KLHL29: variants seen among roughly 807,000 people sequenced by gnomAD.
KLHL29 encodes kelch like family member 29.
A neutral mutation model predicts 80.4 loss-of-function variants in KLHL29; 21 were observed. The ratio of observed to expected loss-of-function variants is 0.26; its 90% CI spans 0.19 to 0.38. KLHL29 has a LOEUF of 0.38. Ranked by LOEUF, KLHL29 falls within the 10% of genes least tolerant of loss-of-function variation. The probability of loss-of-function intolerance (pLI) is 1.00; values close to 1 mark genes in which losing one functional copy is unlikely to be tolerated. For missense variants in KLHL29, 867 were observed against 1,223.9 expected (o/e 0.71, Z 4.35); for synonymous variants, 511 against 526.8 (o/e 0.97, Z 0.41).
intron 5 of KLHL29, among the ~76,000 whole-genome samples, chr2:23,648,517 T>A (rs1670001203): frequency 2.6e-5 from 4 of 151,516 alleles, no homozygotes; most frequent in African/African-American, 9.7e-5. Flanking sequence ...TTGTAACGTT[T>A]GACAATCCTC....
intron 2 of KLHL29, among the ~76,000 whole-genome samples, chr2:23,552,756 C>CTTTTTTTTTTTTT (rs1238425324): frequency 2.0e-5 from 1 of 50,744 alleles, no homozygotes; most frequent in Admixed American, 2.0e-4. Flanking sequence ...GCTCTGGTTT[C>CTTTTTTTTTTTTT]TTTTCTTTTT....
At chr2:23,393,643 A>G (rs1053397011) in intron 1 of KLHL29, among the ~76,000 whole-genome samples, 4 of 152,184 alleles carry the variant, frequency 2.6e-5, no homozygotes, top group East Asian at 1.9e-4. Context: ...TTTATTCTTT[A>G]TATTAGTTTT....
At chr2:23,672,708 C>G (rs111968074) in intron 5 of KLHL29, 2 of 152,666 alleles carry the variant, frequency 1.3e-5, no homozygotes, top group East Asian at 3.8e-4. Context: ...CTCTTGCCCC[C>G]GCCTCTGCAG....
Position 23,516,598 on chromosome 2 carries a change from C to T in KLHL29, c.-46+40931C>T, listed in dbSNP as rs1291556588. Among the ~76,000 whole-genome samples the T allele has an allele frequency of 3.3e-5, 5 of 152,198 alleles. No homozygotes were observed. In the East Asian group the frequency reaches 9.6e-4, roughly 29 times the overall value. On this transcript the variant is annotated intron_variant, in intron 2 of 13. Transcript: ENST00000486442. ...GCCTCTGGGGTCTAGCCAGGTAGCCCCATGGCCGTTGATGGCTTTGTCTCT... is the reference window on the plus strand; with the variant it reads ...GCCTCTGGGGTCTAGCCAGGTAGCCTCATGGCCGTTGATGGCTTTGTCTCT...
chr2:23,665,369 G>A (rs1670525523), intron 5 of KLHL29, among the ~76,000 whole-genome samples: 1 of 152,288 alleles, frequency 6.6e-6, no homozygotes, highest in East Asian at 1.9e-4. Context: ...AATCATACCT[G>A]AACTGACTTC....
At chr2:23,429,680 G>A (rs1663114616) in intron 1 of KLHL29, among the ~76,000 whole-genome samples, 1 of 151,998 alleles carries the variant, frequency 6.6e-6, no homozygotes, top group Non-Finnish European at 1.5e-5. Flanking sequence ...CTTGAACCTG[G>A]GAGGCAGAAG....
chr2:23,675,154 C>G (rs759912705), intron 5 of KLHL29, among the ~76,000 whole-genome samples: 1 of 152,194 alleles, frequency 6.6e-6, no homozygotes, highest in Non-Finnish European at 1.5e-5. Flanking sequence ...CTTCCTCTCC[C>G]GCTCGGAATA....
intron 3 of KLHL29, among the ~76,000 whole-genome samples, chr2:23,571,120 A>G (rs1298336520): frequency 6.6e-6 from 1 of 152,242 alleles, no homozygotes. Context: ...TCAGCATAGG[A>G]CAGCCTCTTT....
chr2:23,594,020 G>A (rs993446612), intron 3 of KLHL29, among the ~76,000 whole-genome samples: 8 of 142,742 alleles, frequency 5.6e-5, no homozygotes, highest in Non-Finnish European at 1.0e-4. Context: ...TATCAAACAG[G>A]AATAACCATC....
At chr2:23,475,373 G>A (rs1664601671) in intron 1 of KLHL29, among the ~76,000 whole-genome samples, 187 bp from the exon 2 acceptor site, 1 of 152,040 alleles carries the variant, frequency 6.6e-6, no homozygotes, top group Admixed American at 6.5e-5. Flanking sequence ...CAGCCTGTGT[G>A]AGATAATCCA....
chr2:23,462,933 G>A lies in KLHL29; in HGVS notation c.-153-12627G>A, dbSNP rs555340928. On this transcript the variant is annotated intron_variant, in intron 1 of 13. Coordinates refer to ENST00000486442, the MANE Select transcript of KLHL29 (RefSeq NM_052920.2). ...GAGGATTGCTTGAGCCCGGGAGTTC[G>A]AGGGCAGCCTGGGCAACATAGCAAG... Among the ~76,000 whole-genome samples, 120 of 152,220 alleles carry A rather than the reference G, an allele frequency of 7.9e-4. 2 individuals are homozygous for A. Among genetic ancestry groups the A allele is most frequent in the Middle Eastern group, 3.4e-3 (1 of 294 alleles).
chr2:23,620,279 C>T (rs968043213), intron 3 of KLHL29, among the ~76,000 whole-genome samples: 1 of 152,114 alleles, frequency 6.6e-6, no homozygotes, highest in Non-Finnish European at 1.5e-5. Context: ...TCGATCCCTT[C>T]GACAATGGGA....
At chr2:23,575,866 G>T (rs1430109349) in intron 3 of KLHL29, among the ~76,000 whole-genome samples, 1 of 152,240 alleles carries the variant, frequency 6.6e-6, no homozygotes, top group Admixed American at 6.5e-5. Flanking sequence ...CCAGCCAGGA[G>T]CACAGAGCCT....
At chr2:23,658,111 C>G (rs1670297021) in intron 5 of KLHL29, among the ~76,000 whole-genome samples, 1 of 152,038 alleles carries the variant, frequency 6.6e-6, no homozygotes, top group Non-Finnish European at 1.5e-5. Context: ...CCCACTCCTC[C>G]TCCTCTTCCC....
chr2:23,656,371 C>T (rs974873929), intron 5 of KLHL29, among the ~76,000 whole-genome samples: 2 of 152,122 alleles, frequency 1.3e-5, no homozygotes, highest in East Asian at 1.9e-4. Flanking sequence ...CTGGCAGGAC[C>T]GAGGGATGTG....
chr2:23,701,803 T>C (rs1235753927), intron 11 of KLHL29, among the ~76,000 whole-genome samples: 6 of 140,924 alleles, frequency 4.3e-5, no homozygotes, highest in East Asian at 2.1e-4. Flanking sequence ...CTTTTTTTTT[T>C]TTTTTTTTTT....
chr2:23,396,937 G>A (rs1348515535), intron 1 of KLHL29, among the ~76,000 whole-genome samples: 2 of 152,184 alleles, frequency 1.3e-5, no homozygotes, highest in African/African-American at 4.8e-5. Context: ...GTGTTTCAGG[G>A]AAGTCGCTTT....
At chr2:23,683,776 T>C (rs894444122) in intron 5 of KLHL29, among the ~76,000 whole-genome samples, 1 of 152,146 alleles carries the variant, frequency 6.6e-6, no homozygotes, top group African/African-American at 2.4e-5. Flanking sequence ...AGGGTCCCTG[T>C]CCCTTGCTTG....
chr2:23,635,336 C>T (rs1287849514), intron 3 of KLHL29, among the ~76,000 whole-genome samples: 1 of 152,226 alleles, frequency 6.6e-6, no homozygotes, highest in African/African-American at 2.4e-5. Flanking sequence ...TGCGGCCCTA[C>T]ACACCTTTCC....
Sources: gnomAD v4.1 joint callset for allele counts (sites outside exome capture counted in the v4.1 genomes callset) on GRCh38, gnomAD v4.1.1 for gene constraint, MANE v1.5 for transcripts, NCBI Gene and HGNC (gene_info 2026-07-23, HGNC 2026-07-21) for gene names.